The following GOLGA3 variants were observed in gnomAD, a reference collection of about 807,000 sequenced individuals.
GOLGA3 encodes golgin subfamily A member 3.
In GOLGA3, 75 loss-of-function variants were observed where a neutral mutation model predicts 169.4. The ratio of observed to expected loss-of-function variants is 0.44; its 90% CI spans 0.37 to 0.54. The LOEUF (loss-of-function observed/expected upper bound fraction) is 0.54. Ranked by LOEUF, GOLGA3 falls within the 20% of genes least tolerant of loss-of-function variation. The pLI, the probability that GOLGA3 is intolerant of heterozygous loss-of-function variation, is 0.00. For synonymous variants in GOLGA3, 824 were observed against 822.4 expected (o/e 1.00, Z -0.03); for missense variants, 1,899 against 1,930.0 (o/e 0.98, Z 0.30).
chr12:132,804,442 C>G lies in GOLGA3; in HGVS notation c.1597+274G>C, dbSNP rs10732710. Among the ~76,000 whole-genome samples, 2 of 152,046 alleles carry G rather than the reference C, an allele frequency of 1.3e-5. No homozygotes were observed. Among genetic ancestry groups the G allele is most frequent in the African/African-American group, 4.8e-5 (2 of 41,346 alleles). On this transcript the variant is annotated intron_variant, in intron 7 of 23. Transcript: ENST00000450791. The surrounding 1 kb of genome is among the most constrained non-coding windows in gnomAD (Gnocchi z 4.1). ...GAAAAGCAGCCTCCTTATGTGTAAACTATAAACCAATGCAACCCTCACAGG... is the reference window on the plus strand; with the variant it reads ...GAAAAGCAGCCTCCTTATGTGTAAAGTATAAACCAATGCAACCCTCACAGG...
chr12:132,826,558 C>T (rs1950423865), intron 1 of GOLGA3, among the ~76,000 whole-genome samples: 1 of 151,876 alleles, frequency 6.6e-6, no homozygotes, highest in Non-Finnish European at 1.5e-5. Context: ...CACTTAATTC[C>T]CCTGCTGGTG....
In GOLGA3 at chr12:132,801,856, G is replaced by A. The variant is rs370000634; in HGVS notation, c.1711C>T (p.Leu571=). 2.1e-5 allele frequency: 33 copies of A among 1,606,452 alleles called. No individual in the cohort carries two copies. The highest frequency in any genetic ancestry group is 2.7e-5 in the Non-Finnish European group (32 of 1,179,962). Residue 571 remains leucine, a synonymous_variant, in exon 8 of 24, where the codon CTG becomes TTG. Transcript: ENST00000450791. ...TGGTACCACTGCCGGACACTCTGCA[G>A]GGACGAGATCTCCGCCTGCGACGCC... ...LKASQAEISS[L]QSVRQWYQQQ... is the part of the protein sequence containing the mutation.
At chr12:132,778,709 A>G (rs2045381698) in intron 18 of GOLGA3, among the ~76,000 whole-genome samples, 1 of 151,766 alleles carries the variant, frequency 6.6e-6, no homozygotes, top group Non-Finnish European at 1.5e-5. Context: ...ATCCTGGCTA[A>G]TATGGTGAAA....
rs1312054340 is a variant in GOLGA3, at chr12:132,801,911, C to T, written c.1656G>A (p.Leu552=). 3 of 1,602,210 alleles carry T rather than the reference C, an allele frequency of 1.9e-6. No individual in the cohort carries two copies. The highest frequency in any genetic ancestry group is 4.5e-5 in the East Asian group (2 of 44,870). Residue 552 remains leucine, a synonymous_variant, in exon 8 of 24, where the codon CTG becomes CTA. Transcript: ENST00000450791. Reference sequence around the variant, plus strand: ...GCTTGCTGGTCAGCGTCGTCCGCTCCAGCTGCACCTGCTGAAGCTGGCTCT... The same window carrying T: ...GCTTGCTGGTCAGCGTCGTCCGCTCTAGCTGCACCTGCTGAAGCTGGCTCT... The part of the protein sequence containing the change: ...ALQSQLQQVQ[L]ERTTLTSKLK...
intron 16 of GOLGA3, among the ~76,000 whole-genome samples, chr12:132,782,875 C>CAAAA (rs63295864): frequency 8.8e-5 from 9 of 102,154 alleles, no homozygotes; most frequent in African/African-American, 3.8e-4. Flanking sequence ...GACTCTGTCT[C>CAAAA]AAAAAAAAAA....
chr12:132,791,897 A>G (rs2046256079), intron 11 of GOLGA3, among the ~76,000 whole-genome samples: 1 of 136,628 alleles, frequency 7.3e-6, no homozygotes, highest in Non-Finnish European at 1.6e-5. Flanking sequence ...CAGAGATGTT[A>G]CACTGAGGGC....
intron 18 of GOLGA3, among the ~76,000 whole-genome samples, chr12:132,779,465 A>G (rs2045426532): frequency 1.3e-5 from 2 of 152,200 alleles, no homozygotes; most frequent in Non-Finnish European, 2.9e-5. Context: ...TTTTCTTTTC[A>G]TCTCAATTAC....
intron 7 of GOLGA3, among the ~76,000 whole-genome samples, chr12:132,803,155 A>G (rs1949217489): frequency 6.6e-6 from 1 of 152,192 alleles, no homozygotes; most frequent in Non-Finnish European, 1.5e-5. Flanking sequence ...CCAAAGCACA[A>G]ACATGTAAAC....
Position 132,774,309 on chromosome 12 carries a change from CG to C in GOLGA3, c.4154del (p.Pro1385ArgfsTer30). ...GGTTGGAAGAGCTGGCCTCGCCTTT[CG>C]GCTCCTTTCTCTGTTTTTAAAAGCA... Reference protein sequence around the residue: ...RRGAAKTRKEPKGEASSSNPA... With the variant: ...RRGAAKTRKEXKGEASSSNPA... On this transcript the variant is annotated frameshift_variant, in exon 23 of 24. Transcript: ENST00000450791. LOFTEE classifies it high-confidence loss of function. 6.2e-7 allele frequency: 1 copy of C among 1,611,948 alleles called. No homozygotes were observed. Among genetic ancestry groups the C allele is most frequent in the South Asian group, 1.1e-5 (1 of 91,082 alleles).
chr12:132,822,134 G>T lies in GOLGA3; in HGVS notation c.-6C>A, dbSNP rs1555265037. On this transcript the variant is annotated 5_prime_UTR_variant, in exon 2 of 24. The change creates a new upstream start codon in the 5' untranslated region. Transcript: ENST00000450791. ...TCGGCCGACGCGCCGTCCATGGTCA[G>T]GACGACACCAGCTGAGCTGACGCTG... 1.2e-6 allele frequency: 2 copies of T among 1,600,342 alleles called. No homozygotes were observed. The highest frequency in any genetic ancestry group is 1.7e-6 in the Non-Finnish European group (2 of 1,174,836).
intron 2 of GOLGA3, among the ~76,000 whole-genome samples, chr12:132,818,452 G>A (rs78719460): frequency 0.2 from 30,894 of 152,038 alleles, 4,073 homozygotes; most frequent in Non-Finnish European, 0.3. Flanking sequence ...GTAGAGATGG[G>A]GTTTCACCAT....
chr12:132,821,101 A>G (rs1455085875), intron 2 of GOLGA3, among the ~76,000 whole-genome samples: 1 of 144,794 alleles, frequency 6.9e-6, no homozygotes, highest in Non-Finnish European at 1.5e-5. Context: ...CACCGTCTCA[A>G]AAAAAAAAAA....
chr12:132,786,876 G>A, intron 13 of GOLGA3, 89 bp from the exon 14 acceptor site: 1 of 912,058 alleles, frequency 1.1e-6, no homozygotes, highest in South Asian at 1.4e-5. Context: ...CCCCACCAAA[G>A]GCACTGCTCA....
chr12:132,804,775 TG>T lies in GOLGA3; in HGVS notation c.1537del (p.Gln513ArgfsTer7). ...NDLQVAEEQY[Q>X]RLMAKVEDMQ... ...GTCCTCTACCTTGGCCATAAGCCTC[TG>T]GTACTGCTCCTCGGCCACCTGCAAG... On this transcript the variant is annotated frameshift_variant, in exon 7 of 24. Coordinates refer to ENST00000450791, the MANE Select transcript of GOLGA3 (RefSeq NM_001389683.1). LOFTEE classifies it high-confidence loss of function. The surrounding 1 kb of genome is among the most constrained non-coding windows in gnomAD (Gnocchi z 4.1). 1 of 1,614,248 alleles carries T rather than the reference TG, an allele frequency of 6.2e-7. No individual in the cohort carries two copies. Among genetic ancestry groups the T allele is most frequent in the Non-Finnish European group, 8.5e-7 (1 of 1,180,032 alleles).
chr12:132,818,866 T>A (rs1308838777), intron 2 of GOLGA3, among the ~76,000 whole-genome samples: 1 of 152,122 alleles, frequency 6.6e-6, no homozygotes, highest in Non-Finnish European at 1.5e-5. Flanking sequence ...GGTAAAGGCC[T>A]GGGTTGGACC....
chr12:132,796,773 C>A, intron 9 of GOLGA3, 73 bp from the exon 10 acceptor site: 3 of 1,461,518 alleles, frequency 2.1e-6, no homozygotes, highest in Non-Finnish European at 1.9e-6. Context: ...GCCCCGTGCT[C>A]TGCAGAGAAA....
Position 132,807,882 on chromosome 12 carries a change from C to T in GOLGA3, c.1178+9G>A, listed in dbSNP as rs1320525834. 2 of 858,828 alleles carry T rather than the reference C, an allele frequency of 2.3e-6. No individual in the cohort carries two copies. The highest frequency in any genetic ancestry group is 3.5e-6 in the Non-Finnish European group (2 of 572,036). 53.2% of individuals were successfully genotyped at this position (858,828 alleles called of 1,614,324 possible). ...CACCCACCCCGCCCACCTCTGCTGT[C>T]CCCACCACCTGCTGCAGATGCTGTC... On this transcript the variant is annotated intron_variant, in intron 5 of 23. Transcript: ENST00000450791.
Position 132,777,727 on chromosome 12 carries a change from T to C in GOLGA3, c.3661A>G (p.Lys1221Glu), listed in dbSNP as rs148310828. ...AGGTGTTCCTTGGCCTGCAGCTCCT[T>C]CTTCACCTCACTCAGCTCCAAGGAG... Reference protein sequence around the residue: ...AASLELSEVKKELQAKEHLVQ... With the variant: ...AASLELSEVKEELQAKEHLVQ... The change falls in exon 19 of 24, where the codon AAG (lysine) becomes GAG (glutamate). Residue 1221 changes from lysine (K) to glutamate (E), a missense_variant. Lys to Glu is a moderately conservative substitution (Grantham distance 56). Transcript: ENST00000450791. The surrounding 1 kb of genome is among the most constrained non-coding windows in gnomAD (Gnocchi z 4.7). The C allele has an allele frequency of 0.03, 47,750 of 1,614,084 alleles. 967 individuals carry two copies. Among genetic ancestry groups the C allele is most frequent in the South Asian group, 0.071 (6,429 of 91,068 alleles).
At chr12:132,825,494 G>A (rs1004784568) in intron 1 of GOLGA3, among the ~76,000 whole-genome samples, 2 of 152,240 alleles carry the variant, frequency 1.3e-5, no homozygotes, top group Non-Finnish European at 2.9e-5. Context: ...CAGTTCTGCT[G>A]ATTCTGCTGA....
Sources: gnomAD v4.1 joint callset for allele counts (sites outside exome capture counted in the v4.1 genomes callset) on GRCh38, gnomAD v4.1.1 for gene constraint, Gnocchi (gnomAD v3.1) non-coding constraint, MANE v1.5 for transcripts, NCBI Gene and HGNC (gene_info 2026-07-23, HGNC 2026-07-21) for gene names.